The following SEMA6C variants were observed in gnomAD, a reference collection of about 807,000 sequenced individuals.
The protein encoded by SEMA6C is semaphorin-6C.
SEMA6C carries 37 observed loss-of-function variants against 72.9 expected under a neutral mutation model. The observed-to-expected ratio is 0.51, with a 90% confidence interval of 0.39 to 0.67. The LOEUF is 0.67. Among genes scored for constraint, SEMA6C ranks in the 30% least tolerant of loss-of-function variants. The pLI is 0.00. For synonymous variants in SEMA6C, 578 were observed against 554.1 expected, an observed-to-expected ratio of 1.04 and a Z score of -0.61; for missense variants, 1,189 against 1,263.6, an observed-to-expected ratio of 0.94 and a Z score of 0.89.
intron 6 of SEMA6C, 62 bp from the exon 7 acceptor site, chr1:151,138,793 TAGAA>T: frequency 7.4e-7 from 1 of 1,358,948 alleles, no homozygotes; most frequent in Non-Finnish European, 1.1e-6. Flanking sequence ...CAGGAGGTAA[TAGAA>T]AGGTGGGCTT....
At chr1:151,134,263 T>C in intron 18 of SEMA6C, 138 bp downstream of exon 18, 1 of 874,882 alleles carries the variant, frequency 1.1e-6, no homozygotes, top group Non-Finnish European at 1.9e-6. Context: ...CTGAGCTACA[T>C]GCTGGGTATC....
At chr1:151,142,406 C>CT (rs11464219) in intron 3 of SEMA6C, 98 bp downstream of exon 3, 1,149,870 of 1,436,232 alleles carry the variant, frequency 0.8, 462,078 homozygotes, top group East Asian at 0.88. Flanking sequence ...TGTTAGCTTC[C>CT]TGAGGCTGGG....
chr1:151,141,732 C>T (rs1377193907), intron 3 of SEMA6C, among the ~76,000 whole-genome samples: 8 of 107,112 alleles, frequency 7.5e-5, no homozygotes, highest in East Asian at 2.6e-4. Flanking sequence ...TTTTAATCGG[C>T]TTTTTTTTTT....
chr1:151,137,557 G>A (rs1394644077), intron 10 of SEMA6C, among the ~76,000 whole-genome samples, 154 bp downstream of exon 10: 2 of 151,996 alleles, frequency 1.3e-5, no homozygotes, highest in Non-Finnish European at 2.9e-5. Context: ...CAGGATGTGG[G>A]GTCAGAGGGC....
chr1:151,141,413 G>GT (rs1175115445), intron 3 of SEMA6C, among the ~76,000 whole-genome samples: 2 of 151,940 alleles, frequency 1.3e-5, no homozygotes, highest in Non-Finnish European at 2.9e-5. Context: ...GAAGACTTTT[G>GT]TTTTTTGTTT....
chr1:151,138,248 T>G, intron 8 of SEMA6C, 68 bp downstream of exon 8: 1 of 1,589,052 alleles, frequency 6.3e-7, no homozygotes, highest in Non-Finnish European at 8.6e-7. Context: ...AAAGACCCAC[T>G]GGGAGAGGAG....
intron 3 of SEMA6C, among the ~76,000 whole-genome samples, chr1:151,141,759 A>G (rs1470014660): frequency 5.6e-3 from 378 of 67,562 alleles, no homozygotes; most frequent in Admixed American, 5.9e-3. Context: ...AAGAGATGGG[A>G]TGGGGGTTGG....
rs376608666 is a variant in SEMA6C at position 151,137,785 on chromosome 1, G to A, written c.682C>T (p.Gln228Ter). The change falls in exon 10 of 19, where the codon CAG (glutamine) becomes TAG (stop). Residue 228 changes from glutamine (Q) to a stop codon, truncating the protein, a stop_gained. Coordinates refer to ENST00000368914, the MANE Select transcript of SEMA6C (RefSeq NM_030913.6). LOFTEE classifies it high-confidence loss of function. ...ACATGGTCTCCATGCTCCAAGGCCT[G>A]GACAAAGTGTGGCTCTAAGATGGGG... ...SKWLREPHFV[Q>*]ALEHGDHVYF... 6.2e-7 allele frequency: 1 copy of A among 1,613,468 alleles called. No homozygotes were observed.
rs1553274402 is a variant in SEMA6C, at chr1:151,145,745, A to AGAGGCTGAGAACCGACGAGGGC, written c.-105+666_-105+687dup. ...TCTCCCAGGCCAGGGAAACAGGGCC[A>AGAGGCTGAGAACCGACGAGGGC]GAGGCTGAGAACCGACGAGGGCGGG... On this transcript the variant is annotated intron_variant, in intron 1 of 18. Transcript: ENST00000368914. The surrounding 1 kb of genome is among the most constrained non-coding windows in gnomAD (Gnocchi z 4.4). The AGAGGCTGAGAACCGACGAGGGC allele has an allele frequency of 6.5e-6, 1 of 152,838 alleles. No homozygotes were observed. The highest frequency in any genetic ancestry group is 1.5e-5 in the Non-Finnish European group (1 of 68,514). The allele number at this position is 152,838 out of a possible 1,614,324, so 9.5% of individuals were successfully genotyped here.
rs1681921097 is a variant in SEMA6C, at chr1:151,135,230, CAAA to C, written c.1510_1512del (p.Phe504del). The C allele has an allele frequency of 6.2e-7, 1 of 1,614,100 alleles. No individual in the cohort carries two copies. Among genetic ancestry groups the C allele is most frequent in the Non-Finnish European group, 8.5e-7 (1 of 1,180,042 alleles). On this transcript the variant is annotated inframe_deletion, in exon 15 of 19. Coordinates refer to ENST00000368914, the MANE Select transcript of SEMA6C (RefSeq NM_030913.6). Reference sequence around the variant, plus strand: ...TAGACAATACAGCCAGAAAAAGCCACAAAAAGCCTGTGACCCTCAGTGTCCAGC... The same window carrying C: ...TAGACAATACAGCCAGAAAAAGCCACAAGCCTGTGACCCTCAGTGTCCAGC...
In SEMA6C at chr1:151,140,020, A is replaced by C. The variant is rs781715519; in HGVS notation, c.189T>G (p.Phe63Leu). 1 of 1,614,184 alleles carries C rather than the reference A, an allele frequency of 6.2e-7. No homozygotes were observed. Among genetic ancestry groups the C allele is most frequent in the Non-Finnish European group, 8.5e-7 (1 of 1,180,048 alleles). The change falls in exon 4 of 19, where the codon TTT becomes TTG. Residue 63 changes from phenylalanine (F) to leucine (L), a missense_variant. By Grantham distance (22) the Phe-to-Leu change is conservative. Around this residue, in one of 2 missense-constraint regions of SEMA6C, gnomAD observed 468 missense variants for 577.4 expected, o/e 0.81. Coordinates refer to ENST00000368914, the MANE Select transcript of SEMA6C (RefSeq NM_030913.6). ...DAVAAELGLDFQRFLTLNRTL... is the reference protein window; with the variant it reads ...DAVAAELGLDLQRFLTLNRTL... ...TCCGGTTCAAGGTCAGGAATCTCTGAAAGTCCAGCCCAAGTTCTGCAGCCA... is the reference window on the plus strand; with the variant it reads ...TCCGGTTCAAGGTCAGGAATCTCTGCAAGTCCAGCCCAAGTTCTGCAGCCA...
chr1:151,133,287 G>T lies in SEMA6C; in HGVS notation c.1990C>A (p.Pro664Thr), dbSNP rs750541974. Residue 664 changes from proline to threonine, a missense_variant, in exon 19 of 19, where the codon CCC becomes ACC. This residue lies in a region of SEMA6C where 721 missense variants were observed against 686.2 expected (regional missense o/e 1.05). Coordinates refer to ENST00000368914, the MANE Select transcript of SEMA6C (RefSeq NM_030913.6). The surrounding 1 kb of genome is among the most constrained non-coding windows in gnomAD (Gnocchi z 5.9). ...TCCCCGTCCTTGGAGGGCGGCGGGG[G>T]CTCTGGGCCCCCACCGTGGAGCCGG... ...LARLHGGGPE[P>T]PPPSKDGDAV... is the part of the protein sequence containing the mutation. 1.3e-6 allele frequency: 2 copies of T among 1,579,450 alleles called. No individual in the cohort carries two copies. Among genetic ancestry groups the T allele is most frequent in the South Asian group, 1.1e-5 (1 of 88,450 alleles).
chr1:151,144,102 G>T (rs587663482), intron 2 of SEMA6C, among the ~76,000 whole-genome samples: 2 of 152,212 alleles, frequency 1.3e-5, no homozygotes, highest in Admixed American at 6.5e-5. Context: ...GCTAGCTAAC[G>T]ACCCTCTGGT....
At position 151,136,593 on chromosome 1, in the gene SEMA6C, A is replaced by G. The variant is rs1158866352; in HGVS notation, c.975-14T>C. On this transcript the variant is annotated splice_polypyrimidine_tract_variant and intron_variant, in intron 11 of 18. Transcript: ENST00000368914. ...GAGCCAGGGATGCTGGAGGAGCCAGAAAAGATGCAGGATAGGTGCTGAAAG... is the reference window on the plus strand; with the variant it reads ...GAGCCAGGGATGCTGGAGGAGCCAGGAAAGATGCAGGATAGGTGCTGAAAG... 1 of 1,613,878 alleles carries G rather than the reference A, an allele frequency of 6.2e-7. No homozygotes were observed. Among genetic ancestry groups the G allele is most frequent in the Non-Finnish European group, 8.5e-7 (1 of 1,179,936 alleles).
At chr1:151,139,809 C>T in intron 4 of SEMA6C, 108 bp from the exon 5 acceptor site, 1 of 1,288,490 alleles carries the variant, frequency 7.8e-7, no homozygotes, top group Non-Finnish European at 1.1e-6. Context: ...CTCCCCTTCC[C>T]CCTTCCTCCA....
Position 151,135,249 on chromosome 1 carries a change from A to G in SEMA6C, c.1494T>C (p.Thr498=), listed in dbSNP as rs1454521184. The G allele has an allele frequency of 3.7e-6, 6 of 1,614,224 alleles. No homozygotes were observed. The highest frequency in any genetic ancestry group is 2.2e-5 in the East Asian group (1 of 44,884). The change falls in exon 15 of 19, where the codon ACT becomes ACC. Residue 498 remains threonine (T), a synonymous_variant. Coordinates refer to ENST00000368914, the MANE Select transcript of SEMA6C (RefSeq NM_030913.6). ...ARRIIGLELD[T]EGHRLFVAFS... ...AAGCCACAAAAAGCCTGTGACCCTC[A>G]GTGTCCAGCTCCAGCCCTATGATCC...
At position 151,142,424 on chromosome 1, in the gene SEMA6C, C is replaced by T. The variant is rs1682628253; in HGVS notation, c.118+80G>A. 7.7e-6 allele frequency: 12 copies of T among 1,556,214 alleles called. No individual in the cohort carries two copies. The South Asian group carries it at 1.4e-4, about 18-fold the overall frequency. ...TAGCTTCCTGAGGCTGGGAGCCTTC[C>T]TGCACCTTGCCTCCCACACAGGGGG... is the stretch of plus-strand genomic sequence containing the variant. On this transcript the variant is annotated intron_variant, in intron 3 of 18. Transcript: ENST00000368914.
At position 151,134,464 on chromosome 1, in the gene SEMA6C, G is replaced by A. The variant is rs373284739; in HGVS notation, c.1715-19C>T. On this transcript the variant is annotated intron_variant, in intron 17 of 18. Transcript: ENST00000368914. ...GCTCCATCTATGAAGAAGGGACAGG[G>A]TGAAGATGGGGGGAAAGAGAAGCTT... 3.1e-6 allele frequency: 5 copies of A among 1,607,340 alleles called. No individual in the cohort carries two copies. The highest frequency in any genetic ancestry group is 2.7e-5 in the African/African-American group (2 of 74,750).
intron 7 of SEMA6C, 28 bp downstream of exon 7, chr1:151,138,602 A>G (rs1558185498): frequency 2.5e-6 from 4 of 1,603,866 alleles, no homozygotes; most frequent in Non-Finnish European, 3.4e-6. Context: ...CCCAACTCCC[A>G]TCCTAACCCC....
Sources: allele counts gnomAD v4.1 joint callset (sites outside exome capture counted in the v4.1 genomes callset), GRCh38; gene constraint gnomAD v4.1.1; regional missense constraint gnomAD v4.1.1; non-coding constraint Gnocchi (gnomAD v3.1); transcripts MANE v1.5; gene names NCBI Gene and HGNC (gene_info 2026-07-23, HGNC 2026-07-21).